Variants in VTCN1 observed in about 807,000 individuals in gnomAD.
VTCN1 encodes the protein V-set domain containing T cell activation inhibitor 1.
In VTCN1, 26 loss-of-function variants were observed where a neutral mutation model predicts 26.5. The ratio of observed to expected loss-of-function variants is 0.98; its 90% CI spans 0.72 to 1.36. The LOEUF is 1.36. Ranked by LOEUF, VTCN1 falls within the 40% of genes most tolerant of loss-of-function variation. The probability of loss-of-function intolerance (pLI) is 0.00; values close to 1 mark genes in which losing one functional copy is unlikely to be tolerated. For missense variants in VTCN1, 298 were observed against 337.7 expected, an observed-to-expected ratio of 0.88 and a Z score of 0.92; for synonymous variants, 116 against 130.7, an observed-to-expected ratio of 0.89 and a Z score of 0.77.
chr1:117,172,518 T>C lies in VTCN1; in HGVS notation c.33-2347A>G, dbSNP rs1438181851. 3 of 518,050 alleles carry C rather than the reference T, an allele frequency of 5.8e-6. No homozygotes were observed. In the East Asian group the frequency reaches 1.6e-4, roughly 28 times the overall value. The allele number at this position is 518,050 out of a possible 1,614,324, so 32.1% of individuals were successfully genotyped here. On this transcript the variant is annotated intron_variant, in intron 1 of 5. Transcript: ENST00000369458. ...TTGACTACTGACACAGGCAGCCGACTTGTGTGTGGCCTAGGGTTTTCATTT... is the reference window on the plus strand; with the variant it reads ...TTGACTACTGACACAGGCAGCCGACCTGTGTGTGGCCTAGGGTTTTCATTT...
chr1:117,180,866 C>G (rs1459760124), intron 1 of VTCN1, among the ~76,000 whole-genome samples: 1 of 152,204 alleles, frequency 6.6e-6, no homozygotes, highest in Non-Finnish European at 1.5e-5. Flanking sequence ...TCAGGGACAG[C>G]CTGATCATTT....
intron 1 of VTCN1, among the ~76,000 whole-genome samples, chr1:117,176,994 G>A (rs770243821): frequency 4.6e-5 from 7 of 152,136 alleles, no homozygotes; most frequent in African/African-American, 7.2e-5. Context: ...AGCTACTCGG[G>A]AGGCTGAGGC....
intron 2 of VTCN1, among the ~76,000 whole-genome samples, chr1:117,164,074 G>A (rs1248693612): frequency 2.0e-5 from 3 of 152,048 alleles, no homozygotes; most frequent in African/African-American, 7.3e-5. Context: ...CCAAGGCCTT[G>A]GTGCCCAGCT....
chr1:117,162,184 T>C (rs1266166297), intron 2 of VTCN1, among the ~76,000 whole-genome samples: 1 of 151,820 alleles, frequency 6.6e-6, no homozygotes, highest in African/African-American at 2.4e-5. Context: ...AGAAGAGAAA[T>C]AAGAGCCAGT....
rs1652011218 is a variant in VTCN1 at position 117,155,246 on chromosome 1, G to A, written c.445+1328C>T. The stretch of plus-strand genomic sequence containing the variant: ...CATCACATTATATCAGAAGGTACAT[G>A]CTGTTAACATGACTTATTAATGATG... On this transcript the variant is annotated intron_variant, in intron 3 of 5. Transcript: ENST00000369458. The surrounding 1 kb of genome is among the most constrained non-coding windows in gnomAD (Gnocchi z 4.8). 6.6e-6 allele frequency among the ~76,000 whole-genome samples: 1 copy of A among 152,146 alleles called. No individual in the cohort carries two copies. Among genetic ancestry groups the A allele is most frequent in the Non-Finnish European group, 1.5e-5 (1 of 68,026 alleles).
intron 1 of VTCN1, among the ~76,000 whole-genome samples, chr1:117,206,024 G>A (rs1649035772): frequency 6.6e-6 from 1 of 152,056 alleles, no homozygotes; most frequent in Middle Eastern, 3.2e-3. Context: ...AACTTTTAAT[G>A]CTCTATACTG....
intron 1 of VTCN1, among the ~76,000 whole-genome samples, chr1:117,201,170 G>T (rs1295506752): frequency 6.6e-6 from 1 of 152,086 alleles, no homozygotes; most frequent in African/African-American, 2.4e-5. Flanking sequence ...TACTCTTGAG[G>T]GTTAACTTAG....
intron 2 of VTCN1, among the ~76,000 whole-genome samples, chr1:117,158,890 C>T (rs1216532474): frequency 2.0e-5 from 3 of 152,150 alleles, no homozygotes; most frequent in Non-Finnish European, 2.9e-5. Context: ...CCACAAATCT[C>T]GAGGGCAGGG....
rs79725331 is a variant in VTCN1 at position 117,157,526 on chromosome 1, C to A, written c.98-605G>T. 5.9e-3 allele frequency among the ~76,000 whole-genome samples: 900 copies of A among 152,234 alleles called. 14 individuals carry two copies. Among genetic ancestry groups the A allele is most frequent in the African/African-American group, 0.02 (812 of 41,534 alleles). Reference sequence around the variant, plus strand: ...CAGATCTCATTAGACTTACTCACTACCACAAGAACAGTATAGGGAAACTGC... The same window carrying A: ...CAGATCTCATTAGACTTACTCACTAACACAAGAACAGTATAGGGAAACTGC... On this transcript the variant is annotated intron_variant, in intron 2 of 5. Transcript: ENST00000369458.
At chr1:117,189,246 C>G (rs1271989636) in intron 1 of VTCN1, among the ~76,000 whole-genome samples, 1 of 152,160 alleles carries the variant, frequency 6.6e-6, no homozygotes, top group Non-Finnish European at 1.5e-5. Context: ...TCTGTGCCTA[C>G]CCTGCTGCCT....
chr1:117,210,826 C>A lies in VTCN1; in HGVS notation c.30G>T (p.Trp10Cys). The change falls in exon 1 of 6, where the codon TGG (tryptophan) becomes TGT (cysteine). Residue 10 changes from tryptophan (W) to cysteine (C), a missense_variant and splice_region_variant. Trp to Cys is a radical substitution (Grantham distance 215). Coordinates refer to ENST00000369458, the MANE Select transcript of VTCN1 (RefSeq NM_024626.4). Reference protein sequence around the residue: MASLGQILFWSIISIIIILA... With the variant: MASLGQILFCSIISIIIILA... ...ATAGAGAGAAGAGTATATACTACCTCCAGAAGAGGATCTGCCCCAGGGAAG... is the reference window on the plus strand; with the variant it reads ...ATAGAGAGAAGAGTATATACTACCTACAGAAGAGGATCTGCCCCAGGGAAG... 6.2e-7 allele frequency: 1 copy of A among 1,614,146 alleles called. No homozygotes were observed. The highest frequency in any genetic ancestry group is 2.2e-5 in the East Asian group (1 of 44,880).
chr1:117,209,971 A>T (rs1649276946), intron 1 of VTCN1, among the ~76,000 whole-genome samples: 1 of 152,146 alleles, frequency 6.6e-6, no homozygotes, highest in African/African-American at 2.4e-5. Flanking sequence ...AAAAGAAACA[A>T]ATTGGAGGAC....
At chr1:117,157,887 C>T (rs1652169189) in intron 2 of VTCN1, among the ~76,000 whole-genome samples, 1 of 152,194 alleles carries the variant, frequency 6.6e-6, no homozygotes, top group Non-Finnish European at 1.5e-5. Flanking sequence ...TAAATACAGT[C>T]ATTCCAAATG....
chr1:117,164,356 G>A (rs181691449), intron 2 of VTCN1, among the ~76,000 whole-genome samples: 2 of 151,858 alleles, frequency 1.3e-5, no homozygotes, highest in African/African-American at 4.8e-5. Context: ...GTTCTGGCAG[G>A]GGGGTGGGGT....
intron 1 of VTCN1, among the ~76,000 whole-genome samples, chr1:117,191,936 C>A (rs1293039733): frequency 6.6e-6 from 1 of 151,886 alleles, no homozygotes; most frequent in Non-Finnish European, 1.5e-5. Context: ...TGTTCTCCAG[C>A]TTGGGCAACC....
chr1:117,149,880 A>G (rs1386837085), intron 4 of VTCN1, among the ~76,000 whole-genome samples: 1 of 152,156 alleles, frequency 6.6e-6, no homozygotes, highest in African/African-American at 2.4e-5. Context: ...TATTTTCTTA[A>G]TTTTGAGCTA....
chr1:117,143,992 A>G lies in VTCN1; in HGVS notation c.*1279T>C. 6.6e-6 allele frequency: 1 copy of G among 152,336 alleles called. No individual in the cohort carries two copies. Among genetic ancestry groups the G allele is most frequent in the Non-Finnish European group, 1.5e-5 (1 of 68,044 alleles). The allele number at this position is 152,336 out of a possible 1,614,324, so 9.4% of individuals were successfully genotyped here. A position where few individuals can be genotyped will look rare whatever the true frequency, so the allele number is the denominator to read the frequency against. On this transcript the variant is annotated 3_prime_UTR_variant, in exon 6 of 6. Coordinates refer to ENST00000369458, the MANE Select transcript of VTCN1 (RefSeq NM_024626.4). ...GAAACTTAGAAGCTCAACAAGCTGA[A>G]GATAATCCCATCAGGCATTTCCCAT...
intron 1 of VTCN1, among the ~76,000 whole-genome samples, chr1:117,200,913 C>A (rs867635293): frequency 6.6e-6 from 1 of 152,088 alleles, no homozygotes; most frequent in African/African-American, 2.4e-5. Flanking sequence ...CCAGCTACTA[C>A]GCCAGGCTAA....
intron 1 of VTCN1, among the ~76,000 whole-genome samples, chr1:117,185,227 G>A (rs1647876214): frequency 6.6e-6 from 1 of 152,124 alleles, no homozygotes; most frequent in Non-Finnish European, 1.5e-5. Flanking sequence ...GTTTCTTCCT[G>A]AGAAACCCAG....
Sources: gnomAD v4.1 joint callset for allele counts (sites outside exome capture counted in the v4.1 genomes callset) on GRCh38, gnomAD v4.1.1 for gene constraint, Gnocchi (gnomAD v3.1) non-coding constraint, MANE v1.5 for transcripts, NCBI Gene and HGNC (gene_info 2026-07-23, HGNC 2026-07-21) for gene names.